PCDHGB6: variants seen among roughly 807,000 people sequenced by gnomAD.
PCDHGB6 encodes the protein protocadherin gamma subfamily B, 6.
PCDHGB6 carries 51 observed loss-of-function variants against 59.1 expected under a neutral mutation model. The observed-to-expected ratio is 0.86, with a 90% CI of 0.69 to 1.09. The LOEUF (loss-of-function observed/expected upper bound fraction) is 1.09. Among genes scored for constraint, PCDHGB6 ranks in the 50% least tolerant of loss-of-function variants. The probability of loss-of-function intolerance (pLI) is 0.00; values close to 1 mark genes in which losing one functional copy is unlikely to be tolerated. For synonymous variants in PCDHGB6, 466 were observed against 495.1 expected (o/e 0.94, Z 0.78); for missense variants, 1,148 against 1,205.1 (o/e 0.95, Z 0.70).
intron 2 of PCDHGB6, among the ~76,000 whole-genome samples, chr5:141,496,744 T>C (rs1383447795): frequency 6.6e-6 from 1 of 152,170 alleles, no homozygotes; most frequent in Non-Finnish European, 1.5e-5. Context: ...GTTCATTTAT[T>C]CAACAAATAT....
In PCDHGB6 at chr5:141,485,896, C is replaced by T; in HGVS notation, c.2419-8911C>T. On this transcript the variant is annotated intron_variant, in intron 1 of 3. Coordinates refer to ENST00000520790, the MANE Select transcript of PCDHGB6 (RefSeq NM_018926.3). The surrounding 1 kb of genome is among the most constrained non-coding windows in gnomAD (Gnocchi z 5.7). ...TGGACGTAAACGACAACGCCCCAGC[C>T]TTCCAGCAATCCAGCTACAGGATTA... 6.2e-7 allele frequency: 1 copy of T among 1,614,190 alleles called. No individual in the cohort carries two copies. The highest frequency in any genetic ancestry group is 8.5e-7 in the Non-Finnish European group (1 of 1,180,042).
intron 1 of PCDHGB6, chr5:141,413,063 T>G: frequency 1.8e-6 from 2 of 1,142,610 alleles, no homozygotes; most frequent in East Asian, 5.1e-5. Context: ...CACTCCAGAA[T>G]TTAAAGTGCC....
At chr5:141,421,979 G>A in intron 1 of PCDHGB6, 1 of 1,609,702 alleles carries the variant, frequency 6.2e-7, no homozygotes, top group Non-Finnish European at 8.5e-7. Context: ...TATCGCGTGA[G>A]TGTTCCAGAA....
intron 1 of PCDHGB6, chr5:141,418,958 G>A: frequency 4.3e-6 from 7 of 1,614,000 alleles, no homozygotes; most frequent in Non-Finnish European, 5.9e-6. Context: ...AGTGGTTGTT[G>A]CCCTCTTCAA....
intron 1 of PCDHGB6, chr5:141,413,324 G>A: frequency 6.2e-7 from 1 of 1,613,968 alleles, no homozygotes; most frequent in South Asian, 1.1e-5. Context: ...TCTTTCGTGG[G>A]CAACATCTCC....
At position 141,431,645 on chromosome 5, in the gene PCDHGB6, T is replaced by G. The variant is rs2097404203; in HGVS notation, c.2418+21025T>G. ...GGCGGCCCAAGTTTTCAAACTAGAT[T>G]GTAATTCAGGGACAATATCAACAAT... On this transcript the variant is annotated intron_variant, in intron 1 of 3. Coordinates refer to ENST00000520790, the MANE Select transcript of PCDHGB6 (RefSeq NM_018926.3). This position sits in a 1 kb window ranked among gnomAD's most constrained non-coding sequence, Gnocchi z 4.8. The G allele has an allele frequency of 2.5e-6, 4 of 1,614,236 alleles. No homozygotes were observed. Among genetic ancestry groups the G allele is most frequent in the Non-Finnish European group, 3.4e-6 (4 of 1,180,044 alleles).
In PCDHGB6 at chr5:141,487,906, AGCACAGGAGGCTACAGT is replaced by A. The variant is rs2099668744; in HGVS notation, c.2419-6893_2419-6877del. ...TGGAAGCATGATGATGGAATGTGGG[AGCACAGGAGGCTACAGT>A]GCACAGGGTACAGTGCACCAGGCAG... On this transcript the variant is annotated intron_variant, in intron 1 of 3. Coordinates refer to ENST00000520790, the MANE Select transcript of PCDHGB6 (RefSeq NM_018926.3). The surrounding 1 kb of genome is among the most constrained non-coding windows in gnomAD (Gnocchi z 5.0). The A allele has an allele frequency of 8.7e-6, 6 of 686,524 alleles. No homozygotes were observed. The East Asian group carries it at 1.6e-4, about 19-fold the overall frequency. The allele number at this position is 686,524 out of a possible 1,614,324, so 42.5% of individuals were successfully genotyped here.
intron 1 of PCDHGB6, chr5:141,423,540 C>T (rs961504938): frequency 6.2e-7 from 1 of 1,613,606 alleles, no homozygotes; most frequent in Non-Finnish European, 8.5e-7. Context: ...ACCTGATTTT[C>T]CCCCAGCCCA....
intron 1 of PCDHGB6, chr5:141,418,609 C>G: frequency 6.2e-7 from 1 of 1,614,026 alleles, no homozygotes. Flanking sequence ...ACAGGGTTAG[C>G]CTTCGGGAAG....
chr5:141,472,856 C>T (rs1251907207), intron 1 of PCDHGB6, among the ~76,000 whole-genome samples: 5 of 150,296 alleles, frequency 3.3e-5, no homozygotes, highest in East Asian at 2.0e-4. Flanking sequence ...CATGGTGGCA[C>T]ATGCCTGTAT....
At chr5:141,503,801 G>A (rs920669425) in intron 2 of PCDHGB6, among the ~76,000 whole-genome samples, 1 of 151,990 alleles carries the variant, frequency 6.6e-6, no homozygotes, top group Admixed American at 6.6e-5. Flanking sequence ...ACTTAGGGAC[G>A]GGGAATCCCA....
chr5:141,419,748 G>T, intron 1 of PCDHGB6: 1 of 1,613,872 alleles, frequency 6.2e-7, no homozygotes, highest in Non-Finnish European at 8.5e-7. Flanking sequence ...CGCATGGTGC[G>T]TGCTTTGGGT....
At chr5:141,435,010 G>A (rs2097736933) in intron 1 of PCDHGB6, among the ~76,000 whole-genome samples, 1 of 151,950 alleles carries the variant, frequency 6.6e-6, no homozygotes, top group Non-Finnish European at 1.5e-5. Flanking sequence ...ATTTATCAAT[G>A]ATAATGCTCT....
At chr5:141,433,257 G>A (rs764036349) in intron 1 of PCDHGB6, 4 of 1,385,412 alleles carry the variant, frequency 2.9e-6, no homozygotes, top group Non-Finnish European at 4.0e-6. Context: ...GCAGCGGTAC[G>A]ATCATAGCTC....
chr5:141,433,204 C>T, intron 1 of PCDHGB6: 6 of 1,566,938 alleles, frequency 3.8e-6, no homozygotes, highest in Admixed American at 2.0e-5. Flanking sequence ...ATCAAATCTT[C>T]TTTCTTTTTT....
intron 1 of PCDHGB6, among the ~76,000 whole-genome samples, chr5:141,445,458 A>G (rs1427391084): frequency 6.6e-6 from 1 of 152,248 alleles, no homozygotes; most frequent in Non-Finnish European, 1.5e-5. Flanking sequence ...TGCAGCAATG[A>G]ACAAGGCATA....
intron 1 of PCDHGB6, chr5:141,414,301 C>A (rs199806270): frequency 1.1e-5 from 18 of 1,613,280 alleles, no homozygotes; most frequent in Non-Finnish European, 1.7e-6. Flanking sequence ...TTTAAATGTG[C>A]ATGATTTAGA....
At chr5:141,463,438 C>CTTTTTT (rs71576115) in intron 1 of PCDHGB6, among the ~76,000 whole-genome samples, 4 of 103,256 alleles carry the variant, frequency 3.9e-5, no homozygotes, top group African/African-American at 1.3e-4. Context: ...TTTCCTTCTC[C>CTTTTTT]TTTTTTTTTT....
rs532087470 is a variant in PCDHGB6, at chr5:141,414,020, C to T, written c.2418+3400C>T. 9 of 1,612,620 alleles carry T rather than the reference C, an allele frequency of 5.6e-6. No homozygotes were observed. The East Asian group carries it at 1.8e-4, about 32-fold the overall frequency. The stretch of plus-strand genomic sequence containing the variant: ...GACGAAGGTGCCAATGGAGAAGTGA[C>T]ATATTCATTCCGAAAATTACCTGAC... On this transcript the variant is annotated intron_variant, in intron 1 of 3. Transcript: ENST00000520790.
Sources: gnomAD v4.1 joint callset for allele counts (sites outside exome capture counted in the v4.1 genomes callset) on GRCh38, gnomAD v4.1.1 for gene constraint, Gnocchi (gnomAD v3.1) non-coding constraint, MANE v1.5 for transcripts, NCBI Gene and HGNC (gene_info 2026-07-23, HGNC 2026-07-21) for gene names.